Variants in TBX1 observed in about 807,000 individuals in gnomAD.
The protein encoded by TBX1 is T-box transcription factor TBX1.
TBX1 carries 16 observed loss-of-function variants against 40.8 expected under a neutral mutation model. That is an observed-to-expected ratio of 0.39 (90% CI 0.27 to 0.60). The LOEUF is 0.60. Ranked by LOEUF, TBX1 falls within the 20% of genes least tolerant of loss-of-function variation. The pLI is 0.51. For synonymous variants in TBX1, 403 were observed against 336.8 expected, an observed-to-expected ratio of 1.20 and a Z score of -2.15; for missense variants, 755 against 728.5, an observed-to-expected ratio of 1.04 and a Z score of -0.42.
At position 19,766,382 on chromosome 22, in the gene TBX1, T is replaced by C; in HGVS notation, c.1037-7T>C. 1.5e-6 allele frequency: 2 copies of C among 1,320,056 alleles called. No homozygotes were observed. The highest frequency in any genetic ancestry group is 1.9e-6 in the Non-Finnish European group (2 of 1,034,450). The allele number at this position is 1,320,056 out of a possible 1,614,324, so 81.8% of individuals were successfully genotyped here. A position where few individuals can be genotyped will look rare whatever the true frequency, so the allele number is the denominator to read the frequency against. ...CGGCCGCGCTCACTCCTCGGCCCTC[T>C]CCGCAGACGCGGCTGAGGCCCGGCG... On this transcript the variant is annotated splice_polypyrimidine_tract_variant and splice_region_variant and intron_variant, in intron 6 of 6. Coordinates refer to ENST00000649276, the MANE Select transcript of TBX1 (RefSeq NM_001379200.1).
chr22:19,769,504 C>T (rs544361563), downstream of TBX1, among the ~76,000 whole-genome samples: 54 of 152,216 alleles, frequency 3.5e-4, no homozygotes, highest in Non-Finnish European at 6.5e-4. Context: ...TGGCAGCTTC[C>T]GCTGGCTGTG....
At chr22:19,758,891 G>A (rs547445185), upstream of TBX1, among the ~76,000 whole-genome samples, 1 of 152,316 alleles carries the variant, frequency 6.6e-6, no homozygotes, top group East Asian at 1.9e-4. Flanking sequence ...TACTGGGCTG[G>A]GTCCTGTCCT....
intron 8 of TBX1, among the ~76,000 whole-genome samples, chr22:19,777,329 C>T (rs1013760869): frequency 9.9e-5 from 15 of 151,916 alleles, no homozygotes; most frequent in East Asian, 1.9e-4. Context: ...TTTGTCCTTG[C>T]GATAGTTTGC....
upstream of TBX1, among the ~76,000 whole-genome samples, chr22:19,758,656 G>A (rs1936540979): frequency 6.6e-6 from 1 of 152,216 alleles, no homozygotes; most frequent in South Asian, 2.1e-4. Context: ...CCCTCGGCTG[G>A]CCAGGCTCCG....
At chr22:19,777,143 G>A (rs1040361744) in intron 8 of TBX1, among the ~76,000 whole-genome samples, 44 of 152,236 alleles carry the variant, frequency 2.9e-4, no homozygotes, top group Middle Eastern at 3.4e-3. Flanking sequence ...CATGTGCCAT[G>A]TTGGTGTGCT....
At chr22:19,759,055 G>A (rs1936554221), upstream of TBX1, among the ~76,000 whole-genome samples, 1 of 152,176 alleles carries the variant, frequency 6.6e-6, no homozygotes, top group South Asian at 2.1e-4. Context: ...GCTGGGCTCC[G>A]GCAGCCACTC....
chr22:19,772,448 G>A (rs959917717), intron 8 of TBX1, among the ~76,000 whole-genome samples: 2 of 152,128 alleles, frequency 1.3e-5, no homozygotes, highest in Non-Finnish European at 2.9e-5. Flanking sequence ...TGGGACTACA[G>A]GCGTGTGCCA....
downstream of TBX1, chr22:19,783,188 C>T (rs1937159001): frequency 2.4e-5 from 16 of 657,726 alleles, no homozygotes; most frequent in Admixed American, 1.3e-4. Context: ...TCCCGACCCA[C>T]GGAGCCCACG....
chr22:19,762,765 G>A lies in TBX1; in HGVS notation c.438-476G>A, dbSNP rs41298808. 5.4e-4 allele frequency among the ~76,000 whole-genome samples: 82 copies of A among 152,156 alleles called. No individual in the cohort carries two copies. In the East Asian group the frequency reaches 0.011, roughly 21 times the overall value. ...TCACTGAGGGGATTGGGTAACAGCC[G>A]AAGACCCAGCTAAAAGGGCAGCGGG... is the stretch of plus-strand genomic sequence containing the variant. On this transcript the variant is annotated intron_variant, in intron 1 of 6. Coordinates refer to ENST00000649276, the MANE Select transcript of TBX1 (RefSeq NM_001379200.1).
intron 3 of TBX1, 135 bp from the exon 4 acceptor site, chr22:19,764,823 C>T (rs1419595668): frequency 9.1e-7 from 1 of 1,103,886 alleles, no homozygotes; most frequent in African/African-American, 1.5e-5. Context: ...CCAGCCTCAT[C>T]TTGGAATTAA....
Position 19,764,984 on chromosome 22 carries a change from C to G in TBX1, c.738C>G (p.Tyr246Ter), listed in dbSNP as rs1245418756. The G allele has an allele frequency of 6.2e-7, 1 of 1,614,214 alleles. No homozygotes were observed. The highest frequency in any genetic ancestry group is 8.5e-7 in the Non-Finnish European group (1 of 1,180,028). Reference sequence around the variant, plus strand: ...TTATTCTGAATTCCATGCACAGATACCAGCCCCGCTTCCACGTGGTCTATG... The same window carrying G: ...TTATTCTGAATTCCATGCACAGATAGCAGCCCCGCTTCCACGTGGTCTATG... The part of the protein sequence containing the change: ...GHIILNSMHR[Y>*]QPRFHVVYVD... The change falls in exon 4 of 7, where the codon TAC becomes TAG. Residue 246 changes from tyrosine to a stop codon, truncating the protein, a stop_gained. Coordinates refer to ENST00000649276, the MANE Select transcript of TBX1 (RefSeq NM_001379200.1). LOFTEE classifies it high-confidence loss of function.
In TBX1 at chr22:19,766,471, G is replaced by A; in HGVS notation, c.1119G>A (p.Leu373=). The change falls in exon 7 of 7, where the codon CTG becomes CTA. Residue 373 remains leucine, a synonymous_variant. Transcript: ENST00000649276. ...VLGDPAHPPQ[L]LARVLSPSLP... ...GGGACCCGGCGCATCCTCCGCAGCT[G>A]CTGGCCCGGGTGCTAAGCCCCTCGC... 1.5e-6 allele frequency: 2 copies of A among 1,327,134 alleles called. No individual in the cohort carries two copies. Among genetic ancestry groups the A allele is most frequent in the Non-Finnish European group, 1.9e-6 (2 of 1,031,918 alleles). 82.2% of individuals were successfully genotyped at this position (1,327,134 alleles called of 1,614,324 possible). A position where few individuals can be genotyped will look rare whatever the true frequency, so the allele number is the denominator to read the frequency against.
At position 19,765,976 on chromosome 22, in the gene TBX1, C is replaced by G; in HGVS notation, c.1010C>G (p.Pro337Arg). 1 of 1,515,328 alleles carries G rather than the reference C, an allele frequency of 6.6e-7. No individual in the cohort carries two copies. The highest frequency in any genetic ancestry group is 2.7e-5 in the East Asian group (1 of 37,506). 93.9% of individuals were successfully genotyped at this position (1,515,328 alleles called of 1,614,324 possible). A position where few individuals can be genotyped will look rare whatever the true frequency, so the allele number is the denominator to read the frequency against. Residue 337 changes from proline (P) to arginine (R), a missense_variant, in exon 6 of 7, where the codon CCG becomes CGG. By Grantham distance (103) the Pro-to-Arg change is moderately radical. This residue lies in a region of TBX1 where 412 missense variants were observed against 317.6 expected (regional missense o/e 1.30). Transcript: ENST00000649276. ...CGCTCGCGGAACCCCGTGGCTTCCC[C>G]GACGCAGCCCAGCGGCACGGAGAAA... is the stretch of plus-strand genomic sequence containing the variant. The part of the protein sequence containing the change: ...FARSRNPVAS[P>R]TQPSGTEKDA...
chr22:19,780,033 C>CA (rs2145852415), downstream of TBX1, among the ~76,000 whole-genome samples: 1 of 152,208 alleles, frequency 6.6e-6, no homozygotes, highest in East Asian at 1.9e-4. Flanking sequence ...CTTCTTACCA[C>CA]AAAAATGAGA....
At chr22:19,782,661 C>T (rs569877828), downstream of TBX1, among the ~76,000 whole-genome samples, 154 of 152,196 alleles carry the variant, frequency 1.0e-3, no homozygotes, top group African/African-American at 3.6e-3. Flanking sequence ...ACAGGGTGGT[C>T]CTGGGCAGGC....
chr22:19,770,277 T>C (rs1207032269), downstream of TBX1, among the ~76,000 whole-genome samples: 3 of 152,170 alleles, frequency 2.0e-5, no homozygotes, highest in Non-Finnish European at 1.5e-5. Flanking sequence ...GATTCTTGAC[T>C]AAGCGGGGGT....
intron 8 of TBX1, among the ~76,000 whole-genome samples, chr22:19,777,479 G>C (rs1378305205): frequency 2.0e-5 from 3 of 152,126 alleles, no homozygotes; most frequent in Non-Finnish European, 2.9e-5. Context: ...ATTTGGGTTG[G>C]TTCCAAGTCT....
chr22:19,771,422 G>A (rs41300450), downstream of TBX1, among the ~76,000 whole-genome samples: 1,026 of 152,312 alleles, frequency 6.7e-3, 10 homozygotes, highest in African/African-American at 0.023. Context: ...CTCTTTAACC[G>A]CTGCCAGGTC....
chr22:19,773,372 A>T (rs916676961), intron 8 of TBX1, among the ~76,000 whole-genome samples: 2 of 152,122 alleles, frequency 1.3e-5, no homozygotes, highest in Non-Finnish European at 2.9e-5. Context: ...ATAGGAGCAC[A>T]TCCCAAGACA....
Sources: allele counts gnomAD v4.1 joint callset (sites outside exome capture counted in the v4.1 genomes callset), GRCh38; gene constraint gnomAD v4.1.1; regional missense constraint gnomAD v4.1.1; transcripts MANE v1.5; gene names NCBI Gene and HGNC (gene_info 2026-07-23, HGNC 2026-07-21).